MARK1: variants seen among roughly 807,000 people sequenced by gnomAD.
MARK1 encodes the protein microtubule affinity regulating kinase 1.
Under a neutral mutation model 96.3 loss-of-function variants are expected in MARK1, and 40 were observed. The ratio of observed to expected loss-of-function variants is 0.42; its 90% CI spans 0.32 to 0.54. MARK1 has a LOEUF of 0.54. MARK1 is among the 20% of genes least tolerant of loss of function. MARK1 has a pLI of 0.16. For missense variants in MARK1, 719 were observed against 984.6 expected (o/e 0.73, Z 3.61); for synonymous variants, 317 against 341.2 (o/e 0.93, Z 0.78).
rs1164540042 is a variant in MARK1 at position 220,663,776 on chromosome 1, A to G, written c.*1610A>G. 1 of 151,626 alleles carries G rather than the reference A, an allele frequency of 6.6e-6. No homozygotes were observed. The highest frequency in any genetic ancestry group is 2.4e-5 in the African/African-American group (1 of 40,936). The allele number at this position is 151,626 out of a possible 1,614,324, so 9.4% of individuals were successfully genotyped here. On this transcript the variant is annotated 3_prime_UTR_variant, in exon 18 of 18. Coordinates refer to ENST00000366917, the MANE Select transcript of MARK1 (RefSeq NM_018650.5). ...AAGTGAGTTTTTTTTTTGCCTTAGC[A>G]AAGGGTGGTGTTTGAAAAAAAAAAT...
At chr1:220,555,066 A>G (rs991569207) in intron 1 of MARK1, among the ~76,000 whole-genome samples, 9 of 152,290 alleles carry the variant, frequency 5.9e-5, no homozygotes, top group East Asian at 1.9e-4. Flanking sequence ...TGTATTCCAG[A>G]ACTGGGGAAG....
chr1:220,592,769 G>A (rs74139780), intron 3 of MARK1, among the ~76,000 whole-genome samples: 1,721 of 152,296 alleles, frequency 0.011, 24 homozygotes, highest in African/African-American at 0.04. Context: ...TGCTTGGAGT[G>A]TAAGGCTGCA....
intron 6 of MARK1, among the ~76,000 whole-genome samples, chr1:220,611,918 AG>A (rs1268318515): frequency 6.6e-6 from 1 of 151,990 alleles, no homozygotes; most frequent in African/African-American, 2.4e-5. Flanking sequence ...TTTTTAGTAG[AG>A]ATGGGGTTTC....
chr1:220,564,075 T>G (rs1662876577), intron 1 of MARK1, among the ~76,000 whole-genome samples: 2 of 151,234 alleles, frequency 1.3e-5, no homozygotes, highest in South Asian at 4.1e-4. Flanking sequence ...TTAAAAACAT[T>G]AGTTTAGTGA....
Position 220,653,283 on chromosome 1 carries a change from C to A in MARK1, c.1919C>A (p.Ala640Glu), listed in dbSNP as rs1346456876. ...PPASPSHETG[A>E]FAHARRGTST... ...GCTTCACCATCCCATGAAACGGGTG[C>A]ATTTGCACATGCCAGAAGGGGAACG... Residue 640 changes from alanine to glutamate, a missense_variant, in exon 16 of 18, where the codon GCA (alanine) becomes GAA (glutamate). By Grantham distance (107) the Ala-to-Glu change is moderately radical. Coordinates refer to ENST00000366917, the MANE Select transcript of MARK1 (RefSeq NM_018650.5). 1 of 1,614,210 alleles carries A rather than the reference C, an allele frequency of 6.2e-7. No homozygotes were observed. The highest frequency in any genetic ancestry group is 1.1e-5 in the South Asian group (1 of 91,088).
chr1:220,545,902 T>C (rs1202794723), intron 1 of MARK1, among the ~76,000 whole-genome samples: 1 of 152,112 alleles, frequency 6.6e-6, no homozygotes, highest in Admixed American at 6.5e-5. Context: ...TGGCCCTCTA[T>C]TTCCTTCCTT....
At chr1:220,598,730 A>AT (rs767146746) in intron 4 of MARK1, among the ~76,000 whole-genome samples, 19 of 152,084 alleles carry the variant, frequency 1.2e-4, no homozygotes, top group Non-Finnish European at 1.6e-4. Flanking sequence ...GTGGTGGCTT[A>AT]TGCCTGTAAT....
intron 1 of MARK1, chr1:220,571,594 A>G (rs909676589): frequency 6.6e-6 from 1 of 152,236 alleles, no homozygotes; most frequent in Admixed American, 6.5e-5. Context: ...GTACCAGCTC[A>G]GAGAAATATT....
At chr1:220,617,518 T>A (rs1292237680) in intron 7 of MARK1, among the ~76,000 whole-genome samples, 1 of 152,196 alleles carries the variant, frequency 6.6e-6, no homozygotes, top group Non-Finnish European at 1.5e-5. Flanking sequence ...TCCATTGTAA[T>A]AGAGTTTAAA....
At chr1:220,547,497 A>G (rs781424740) in intron 1 of MARK1, among the ~76,000 whole-genome samples, 8 of 152,102 alleles carry the variant, frequency 5.3e-5, no homozygotes, top group Non-Finnish European at 7.4e-5. Context: ...TTTTGCCAGA[A>G]TTGAGTATTT....
chr1:220,586,027 A>C (rs1377199477), intron 3 of MARK1, among the ~76,000 whole-genome samples: 38 of 91,684 alleles, frequency 4.1e-4, no homozygotes, highest in East Asian at 4.2e-4. Flanking sequence ...GCGTGCGCAG[A>C]GAGAGAGAGT....
rs968389821 is a variant in MARK1, at chr1:220,528,786, C to G, written c.-37C>G. 2 of 1,543,012 alleles carry G rather than the reference C, an allele frequency of 1.3e-6. No individual in the cohort carries two copies. Among genetic ancestry groups the G allele is most frequent in the Admixed American group, 3.9e-5 (2 of 50,832 alleles). ...CCCGGGGCCCGCACCACAGCCCGGC[C>G]GGCGAGACCCCGGCCAGACCCCGCT... is the stretch of plus-strand genomic sequence containing the variant. On this transcript the variant is annotated 5_prime_UTR_variant, in exon 1 of 18. Coordinates refer to ENST00000366917, the MANE Select transcript of MARK1 (RefSeq NM_018650.5).
intron 1 of MARK1, among the ~76,000 whole-genome samples, chr1:220,535,847 C>G (rs1660647919): frequency 6.6e-6 from 1 of 152,078 alleles, no homozygotes; most frequent in African/African-American, 2.4e-5. Context: ...TTTCTGAGCT[C>G]TCTATTCTGT....
At chr1:220,562,504 T>C (rs1662744067) in intron 1 of MARK1, among the ~76,000 whole-genome samples, 1 of 151,980 alleles carries the variant, frequency 6.6e-6, no homozygotes. Context: ...GTAGCTAAGA[T>C]AAAACTTCAG....
chr1:220,577,535 A>T (rs943758459), intron 1 of MARK1, among the ~76,000 whole-genome samples: 1 of 152,166 alleles, frequency 6.6e-6, no homozygotes, highest in Admixed American at 6.5e-5. Context: ...CACCTGGAAA[A>T]CTTGTTGAAA....
chr1:220,617,397 C>A (rs184077222), intron 7 of MARK1, among the ~76,000 whole-genome samples: 1 of 152,080 alleles, frequency 6.6e-6, no homozygotes, highest in African/African-American at 2.4e-5. Context: ...AATTGTTGGA[C>A]CTTCCAGTAA....
intron 1 of MARK1, among the ~76,000 whole-genome samples, chr1:220,532,421 G>A (rs1355722072): frequency 6.6e-6 from 1 of 152,104 alleles, no homozygotes; most frequent in East Asian, 1.9e-4. Context: ...AGTCTGTGTT[G>A]CCAGTGCCCA....
Position 220,618,513 on chromosome 1 carries a change from T to G in MARK1, c.756T>G (p.Ser252Arg). The G allele has an allele frequency of 6.2e-7, 1 of 1,614,182 alleles. No homozygotes were observed. Among genetic ancestry groups the G allele is most frequent in the Non-Finnish European group, 8.5e-7 (1 of 1,180,006 alleles). ...SLGVILYTLV[S>R]GSLPFDGQNL... ...GCGTCATTCTCTATACATTAGTCAG[T>G]GGCTCCTTGCCTTTCGATGGCCAGA... is the stretch of plus-strand genomic sequence containing the variant. The change falls in exon 8 of 18, where the codon AGT becomes AGG. Residue 252 changes from serine (S) to arginine (R), a missense_variant. Ser to Arg is a moderately radical substitution (Grantham distance 110, BLOSUM62 -1). Around this residue, in one of 4 missense-constraint regions of MARK1, gnomAD observed 96 missense variants for 213.1 expected, o/e 0.45. Coordinates refer to ENST00000366917, the MANE Select transcript of MARK1 (RefSeq NM_018650.5). The surrounding 1 kb of genome is among the most constrained non-coding windows in gnomAD (Gnocchi z 4.6).
intron 3 of MARK1, among the ~76,000 whole-genome samples, chr1:220,593,251 A>T (rs562026549): frequency 6.6e-6 from 1 of 152,200 alleles, no homozygotes; most frequent in African/African-American, 2.4e-5. Flanking sequence ...TTTTTAAAAA[A>T]TTATGTTCAA....
Sources: allele counts gnomAD v4.1 joint callset (sites outside exome capture counted in the v4.1 genomes callset), GRCh38; gene constraint gnomAD v4.1.1; regional missense constraint gnomAD v4.1.1; non-coding constraint Gnocchi (gnomAD v3.1); transcripts MANE v1.5; gene names NCBI Gene and HGNC (gene_info 2026-07-23, HGNC 2026-07-21).